Variants in CREBBP observed in about 807,000 individuals in gnomAD.
CREBBP encodes CREB binding lysine acetyltransferase.
Under a neutral mutation model 265.0 loss-of-function variants are expected in CREBBP, and 19 were observed. That is an observed-to-expected ratio of 0.07 (90% CI 0.05 to 0.11). CREBBP has a LOEUF of 0.11. Among genes scored for constraint, CREBBP ranks in the 10% least tolerant of loss-of-function variants. The pLI, the probability that CREBBP is intolerant of heterozygous loss-of-function variation, is 1.00. For synonymous variants in CREBBP, 1,457 were observed against 1,223.7 expected (o/e 1.19, Z -3.98); for missense variants, 2,525 against 3,219.0 (o/e 0.78, Z 5.22).
At chr16:3,846,006 G>A (rs1169761905) in intron 2 of CREBBP, among the ~76,000 whole-genome samples, 14 of 151,640 alleles carry the variant, frequency 9.2e-5, no homozygotes, top group Admixed American at 7.2e-4. Flanking sequence ...AGCCATAAAG[G>A]AAATAAATGG....
chr16:3,816,143 T>C (rs920367919), intron 2 of CREBBP, among the ~76,000 whole-genome samples: 8 of 152,200 alleles, frequency 5.3e-5, no homozygotes, highest in Non-Finnish European at 8.8e-5. Flanking sequence ...AAGTTAACTA[T>C]AGTAAGTACC....
Position 3,841,995 on chromosome 16 carries a change from T to G in CREBBP, c.798+8302A>C, listed in dbSNP as rs567913588. 3.0e-3 allele frequency among the ~76,000 whole-genome samples: 454 copies of G among 152,314 alleles called. 6 individuals carry two copies. The highest frequency in any genetic ancestry group is 0.01 in the African/African-American group (435 of 41,568). ...ACCAAAATGATGGCTGACTGAGTAC[T>G]GGGAGCTGATCTAATTTAAAACTTT... is the stretch of plus-strand genomic sequence containing the variant. On this transcript the variant is annotated intron_variant, in intron 2 of 30. Coordinates refer to ENST00000262367, the MANE Select transcript of CREBBP (RefSeq NM_004380.3).
chr16:3,807,606 A>G (rs921266308), intron 3 of CREBBP, among the ~76,000 whole-genome samples: 4 of 152,192 alleles, frequency 2.6e-5, no homozygotes, highest in African/African-American at 9.6e-5. Context: ...GGGCTGCAAA[A>G]ACATGACCTC....
At chr16:3,826,304 G>A (rs2054235701) in intron 2 of CREBBP, among the ~76,000 whole-genome samples, 2 of 152,188 alleles carry the variant, frequency 1.3e-5, no homozygotes, top group African/African-American at 4.8e-5. Flanking sequence ...AAACTATGAA[G>A]AGACAGATCT....
chr16:3,879,969 GC>G lies in CREBBP; in HGVS notation c.-54del. 1 of 1,546,634 alleles carries G rather than the reference GC, an allele frequency of 6.5e-7. No individual in the cohort carries two copies. Among genetic ancestry groups the G allele is most frequent in the South Asian group, 1.2e-5 (1 of 86,134 alleles). ...GGCACGGGCGGCCGGGCCGGCGAGG[GC>G]CCGGACGGGGGTCGGGGGCCCTGCC... On this transcript the variant is annotated 5_prime_UTR_variant, in exon 1 of 31. Coordinates refer to ENST00000262367, the MANE Select transcript of CREBBP (RefSeq NM_004380.3).
At chr16:3,820,662 G>A (rs2054124342) in intron 2 of CREBBP, among the ~76,000 whole-genome samples, 1 of 152,186 alleles carries the variant, frequency 6.6e-6, no homozygotes, top group African/African-American at 2.4e-5. Flanking sequence ...CCAGGAGTTT[G>A]AGACCAACCT....
At chr16:3,875,097 C>A (rs1351097454) in intron 1 of CREBBP, among the ~76,000 whole-genome samples, 7 of 152,226 alleles carry the variant, frequency 4.6e-5, no homozygotes, top group Non-Finnish European at 1.5e-5. Flanking sequence ...TGTGAAAACA[C>A]AGGCGACTAA....
At chr16:3,775,874 C>G (rs768272053) in intron 11 of CREBBP, among the ~76,000 whole-genome samples, 14 of 152,062 alleles carry the variant, frequency 9.2e-5, no homozygotes, top group Non-Finnish European at 1.5e-4. Context: ...AACACAGCAT[C>G]CAGCCACTTT....
intron 2 of CREBBP, among the ~76,000 whole-genome samples, chr16:3,843,182 C>T (rs1030864880): frequency 8.5e-5 from 13 of 152,122 alleles, no homozygotes; most frequent in Admixed American, 2.0e-4. Context: ...CTGGCCAGAC[C>T]GTGTGGATGC....
intron 1 of CREBBP, among the ~76,000 whole-genome samples, chr16:3,858,989 C>G (rs1019961852): frequency 6.6e-6 from 1 of 152,294 alleles, no homozygotes; most frequent in Non-Finnish European, 1.5e-5. Context: ...CACATATTTT[C>G]TCTTCCTCAC....
chr16:3,849,448 T>TGTGTGTGTGTGTGTGTGTGTGTGTG (rs2054769944), intron 2 of CREBBP, among the ~76,000 whole-genome samples: 1 of 50,360 alleles, frequency 2.0e-5, no homozygotes, highest in African/African-American at 5.1e-5. Context: ...TGTGTGTGTG[T>TGTGTGTGTGTGTGTGTGTGTGTGTG]GTGTGTGTGT....
intron 1 of CREBBP, among the ~76,000 whole-genome samples, chr16:3,868,046 T>C (rs1429250046): frequency 6.6e-6 from 1 of 152,178 alleles, no homozygotes; most frequent in Non-Finnish European, 1.5e-5. Context: ...TTACATAAAA[T>C]GGGCTACTTA....
chr16:3,817,574 AAAGTC>A (rs1233159348), intron 2 of CREBBP, among the ~76,000 whole-genome samples: 2 of 152,234 alleles, frequency 1.3e-5, no homozygotes, highest in African/African-American at 4.8e-5. Flanking sequence ...AGGAGAGAGA[AAAGTC>A]AAGTCAAGTC....
intron 2 of CREBBP, among the ~76,000 whole-genome samples, chr16:3,848,037 G>A (rs369279902): frequency 6.6e-6 from 1 of 152,060 alleles, no homozygotes; most frequent in Admixed American, 6.6e-5. Context: ...GGGAGCAGTG[G>A]CACGCGCCTG....
chr16:3,824,890 G>A (rs1316289773), intron 2 of CREBBP, among the ~76,000 whole-genome samples: 1 of 152,138 alleles, frequency 6.6e-6, no homozygotes, highest in Admixed American at 6.5e-5. Flanking sequence ...CCCACTCATC[G>A]CTGATATATA....
At chr16:3,873,621 C>T (rs2055343575) in intron 1 of CREBBP, among the ~76,000 whole-genome samples, 1 of 152,168 alleles carries the variant, frequency 6.6e-6, no homozygotes, top group Non-Finnish European at 1.5e-5. Flanking sequence ...AGACACACAT[C>T]ATCTCAGGCT....
chr16:3,817,349 G>A (rs1045166219), intron 2 of CREBBP, among the ~76,000 whole-genome samples: 16 of 152,246 alleles, frequency 1.1e-4, no homozygotes, highest in Non-Finnish European at 1.6e-4. Flanking sequence ...CAGTGTGTGG[G>A]ACAAATACTA....
chr16:3,865,912 G>GGCGTGA (rs1320054604), intron 1 of CREBBP, among the ~76,000 whole-genome samples: 1 of 152,136 alleles, frequency 6.6e-6, no homozygotes, highest in Non-Finnish European at 1.5e-5. Flanking sequence ...AGGGATTACA[G>GGCGTGA]GCGTGAGCCC....
In CREBBP at chr16:3,849,439, GTGTGTGTGTGTGTGTGTGTGT is replaced by G. The variant is rs2054761396; in HGVS notation, c.798+837_798+857del. Among the ~76,000 whole-genome samples the G allele has an allele frequency of 1.1e-3, 19 of 17,242 alleles. 1 individual carries two copies. The East Asian group carries it at 0.074, about 67-fold the overall frequency. 11.3% of individuals were successfully genotyped at this position (17,242 alleles called of 152,430 possible). A position where few individuals can be genotyped will look rare whatever the true frequency, so the allele number is the denominator to read the frequency against. ...TGTGTGTGTGTGTGTGTGTGTGTGTGTGTGTGTGTGTGTGTGTGTGTGTGTGTGTGTGTGTGTGTGTGTGTG... is the reference window on the plus strand; with the variant it reads ...TGTGTGTGTGTGTGTGTGTGTGTGTGGTGTGTGTGTGTGTGTGTGTGTGTG... On this transcript the variant is annotated intron_variant, in intron 2 of 30. Coordinates refer to ENST00000262367, the MANE Select transcript of CREBBP (RefSeq NM_004380.3).
Sources: allele counts gnomAD v4.1 joint callset (sites outside exome capture counted in the v4.1 genomes callset), GRCh38; gene constraint gnomAD v4.1.1; transcripts MANE v1.5; gene names NCBI Gene and HGNC (gene_info 2026-07-23, HGNC 2026-07-21).